SPIDR: variants seen among roughly 807,000 people sequenced by gnomAD.
SPIDR encodes the protein DNA repair-scaffolding protein.
Under a neutral mutation model 104.6 loss-of-function variants are expected in SPIDR, and 93 were observed. The ratio of observed to expected loss-of-function variants is 0.89; its 90% confidence interval spans 0.75 to 1.06. The LOEUF (loss-of-function observed/expected upper bound fraction) is 1.06. Ranked by LOEUF, SPIDR falls within the 50% of genes least tolerant of loss-of-function variation. The probability of loss-of-function intolerance (pLI) is 0.00; values close to 1 mark genes in which losing one functional copy is unlikely to be tolerated. For synonymous variants in SPIDR, 431 were observed against 416.9 expected (o/e 1.03, Z -0.41); for missense variants, 1,154 against 1,111.2 (o/e 1.04, Z -0.55).
At chr8:47,553,430 G>A (rs576892463) in intron 8 of SPIDR, among the ~76,000 whole-genome samples, 1 of 152,198 alleles carries the variant, frequency 6.6e-6, no homozygotes, top group Admixed American at 6.5e-5. Flanking sequence ...TTTTTTGGAG[G>A]CATTGTTCGT....
At chr8:47,329,016 C>T (rs952310364) in intron 5 of SPIDR, among the ~76,000 whole-genome samples, 21 of 152,016 alleles carry the variant, frequency 1.4e-4, no homozygotes, top group East Asian at 1.2e-3. Context: ...AAGCAATTCT[C>T]GTGCCTCAGT....
At chr8:47,454,899 T>G (rs186087022) in intron 8 of SPIDR, among the ~76,000 whole-genome samples, 1 of 151,692 alleles carries the variant, frequency 6.6e-6, no homozygotes, top group Non-Finnish European at 1.5e-5. Flanking sequence ...ATAATAATAA[T>G]AAATAAGAAT....
intron 8 of SPIDR, among the ~76,000 whole-genome samples, chr8:47,497,638 TAAAAGG>T (rs2079647178): frequency 6.6e-6 from 1 of 152,224 alleles, no homozygotes; most frequent in Non-Finnish European, 1.5e-5. Context: ...TATGTGCACT[TAAAAGG>T]AATAAGCTTT....
intron 10 of SPIDR, chr8:47,673,438 GAC>G (rs1204513517): frequency 2.2e-6 from 1 of 461,746 alleles, no homozygotes; most frequent in Non-Finnish European, 4.3e-6. Context: ...ATGGGAAAAG[GAC>G]ACTCTGTTTC....
At chr8:47,279,624 G>A (rs1228574850) in intron 1 of SPIDR, among the ~76,000 whole-genome samples, 6 of 152,120 alleles carry the variant, frequency 3.9e-5, no homozygotes, top group African/African-American at 1.4e-4. Context: ...GACTTTGGAG[G>A]GTTGGTGGTT....
At chr8:47,723,664 C>T (rs1264152212) in intron 16 of SPIDR, among the ~76,000 whole-genome samples, 2 of 152,114 alleles carry the variant, frequency 1.3e-5, no homozygotes, top group African/African-American at 2.4e-5. Flanking sequence ...CTCCTGACCT[C>T]ACGATCCTCC....
At chr8:47,378,457 T>C (rs1383669763) in intron 5 of SPIDR, among the ~76,000 whole-genome samples, 1 of 152,228 alleles carries the variant, frequency 6.6e-6, no homozygotes, top group African/African-American at 2.4e-5. Flanking sequence ...TGCCTTTCTT[T>C]GTAATTGCAG....
intron 11 of SPIDR, among the ~76,000 whole-genome samples, chr8:47,684,678 G>A (rs929931685): frequency 2.6e-5 from 4 of 152,148 alleles, no homozygotes; most frequent in Non-Finnish European, 4.4e-5. Context: ...AATTGAAAAA[G>A]TAGAAATCCA....
At chr8:47,702,513 C>T (rs1268946739) in intron 14 of SPIDR, among the ~76,000 whole-genome samples, 2 of 152,110 alleles carry the variant, frequency 1.3e-5, no homozygotes, top group Admixed American at 1.3e-4. Context: ...CTCCATGGTC[C>T]CTGTGAGGCC....
At chr8:47,432,371 C>T (rs554068130) in intron 7 of SPIDR, among the ~76,000 whole-genome samples, 14 of 152,204 alleles carry the variant, frequency 9.2e-5, no homozygotes, top group African/African-American at 1.9e-4. Context: ...TCTGGGTACA[C>T]GCAAAGTGCA....
intron 8 of SPIDR, among the ~76,000 whole-genome samples, chr8:47,501,754 C>A (rs1466252468): frequency 2.0e-5 from 3 of 152,116 alleles, no homozygotes; most frequent in African/African-American, 4.8e-5. Flanking sequence ...AGTTTTTGCC[C>A]ATTCAGTATG....
intron 5 of SPIDR, 53 bp downstream of exon 5, chr8:47,294,083 A>G (rs2040404028): frequency 1.3e-6 from 2 of 1,545,464 alleles, no homozygotes; most frequent in East Asian, 2.3e-5. Context: ...TTTGCTAATC[A>G]TAGTTGTCAT....
chr8:47,634,060 A>C (rs374376385), intron 10 of SPIDR, among the ~76,000 whole-genome samples: 1 of 150,234 alleles, frequency 6.7e-6, no homozygotes, highest in East Asian at 2.0e-4. Context: ...GTGCCACTGC[A>C]CCCCAGCCTG....
chr8:47,622,791 C>A (rs965541800), intron 10 of SPIDR, among the ~76,000 whole-genome samples: 2 of 152,154 alleles, frequency 1.3e-5, no homozygotes, highest in Admixed American at 6.5e-5. Context: ...GTTGACGTTG[C>A]AAGTAACCTC....
At chr8:47,670,540 T>G (rs1300782701) in intron 10 of SPIDR, among the ~76,000 whole-genome samples, 1 of 152,222 alleles carries the variant, frequency 6.6e-6, no homozygotes, top group Non-Finnish European at 1.5e-5. Context: ...ATGTTTTTTC[T>G]TTGTGTTTTC....
chr8:47,663,939 G>C (rs1465402419), intron 10 of SPIDR, among the ~76,000 whole-genome samples: 1 of 152,178 alleles, frequency 6.6e-6, no homozygotes, highest in Admixed American at 6.5e-5. Flanking sequence ...AAAATCTCTA[G>C]AAATTGTCCT....
At chr8:47,503,456 A>C (rs960864453) in intron 8 of SPIDR, among the ~76,000 whole-genome samples, 6 of 152,064 alleles carry the variant, frequency 3.9e-5, no homozygotes, top group South Asian at 2.1e-4. Context: ...CTAGGATTGC[A>C]ACCCCTGCCG....
At chr8:47,396,013 T>C (rs1039544053) in intron 5 of SPIDR, among the ~76,000 whole-genome samples, 3 of 152,228 alleles carry the variant, frequency 2.0e-5, no homozygotes, top group Admixed American at 6.5e-5. Flanking sequence ...TTCCAGTAGC[T>C]GTCAGATTGT....
At chr8:47,735,161 C>T (rs1222778635) in intron 19 of SPIDR, 146 bp from the exon 20 acceptor site, 8 of 703,018 alleles carry the variant, frequency 1.1e-5, no homozygotes, top group South Asian at 5.1e-5. Flanking sequence ...GTTTCTCCTT[C>T]CTACCACTGT....
Sources: allele counts gnomAD v4.1 joint callset (sites outside exome capture counted in the v4.1 genomes callset), GRCh38; gene constraint gnomAD v4.1.1; transcripts MANE v1.5; gene names NCBI Gene and HGNC (gene_info 2026-07-23, HGNC 2026-07-21).